Variants in PXDNL observed in about 807,000 individuals in gnomAD.
PXDNL encodes the protein peroxidasin like.
Under a neutral mutation model 150.8 loss-of-function variants are expected in PXDNL, and 145 were observed. That is an observed-to-expected ratio of 0.96 (90% CI 0.84 to 1.10). PXDNL has a LOEUF of 1.10. Among genes scored for constraint, PXDNL ranks in the 50% least tolerant of loss-of-function variants. PXDNL has a pLI of 0.00. For synonymous variants in PXDNL, 757 were observed against 725.7 expected (o/e 1.04, Z -0.69); for missense variants, 2,087 against 1,873.9 (o/e 1.11, Z -2.10).
In PXDNL at chr8:51,713,981, T is replaced by C. The variant is rs183600285; in HGVS notation, c.165-59221A>G. Among the ~76,000 whole-genome samples the C allele has an allele frequency of 8.5e-5, 13 of 152,302 alleles. No homozygotes were observed. In the East Asian group the frequency reaches 2.3e-3, roughly 27 times the overall value. On this transcript the variant is annotated intron_variant, in intron 1 of 22. Transcript: ENST00000356297. ...CATATAAATAAAACCATGAATTGTT[T>C]TTTGGAGTTTTCAAATGAAGAAAAT... is the stretch of plus-strand genomic sequence containing the variant.
At position 51,767,700 on chromosome 8, in the gene PXDNL, A is replaced by C. The variant is rs2037246838; in HGVS notation, c.164+41481T>G. ...TGCATGGTCTTCTAGATCCCCTGGA[A>C]TATGTCAGATAAACATGTTTTAAAA... On this transcript the variant is annotated intron_variant, in intron 1 of 22. Transcript: ENST00000356297. Among the ~76,000 whole-genome samples the C allele has an allele frequency of 1.3e-5, 2 of 152,186 alleles. 1 individual carries two copies. Among genetic ancestry groups the C allele is most frequent in the South Asian group, 4.1e-4 (2 of 4,830 alleles).
At chr8:51,339,290 T>A (rs112957658) in intron 21 of PXDNL, among the ~76,000 whole-genome samples, 75 of 152,142 alleles carry the variant, frequency 4.9e-4, no homozygotes, top group African/African-American at 1.6e-3. Flanking sequence ...CCAAACCCCA[T>A]CTCTACTAAA....
intron 4 of PXDNL, among the ~76,000 whole-genome samples, chr8:51,529,636 G>T (rs970359099): frequency 2.0e-5 from 3 of 152,064 alleles, no homozygotes; most frequent in Non-Finnish European, 2.9e-5. Context: ...AATTTAAATT[G>T]TATCCACACA....
At chr8:51,363,608 A>T (rs779011557) in intron 19 of PXDNL, among the ~76,000 whole-genome samples, 21 of 152,182 alleles carry the variant, frequency 1.4e-4, no homozygotes, top group Non-Finnish European at 3.1e-4. Context: ...TATAGATAAC[A>T]TAACCGATTA....
intron 3 of PXDNL, among the ~76,000 whole-genome samples, chr8:51,573,401 C>G (rs1812987059): frequency 6.6e-6 from 1 of 151,990 alleles, no homozygotes; most frequent in Admixed American, 6.6e-5. Context: ...TTCCTGCTCC[C>G]CACTGGAAAG....
At chr8:51,724,725 C>T (rs1442626938) in intron 1 of PXDNL, among the ~76,000 whole-genome samples, 2 of 152,156 alleles carry the variant, frequency 1.3e-5, no homozygotes, top group Non-Finnish European at 2.9e-5. Context: ...CCATCTTAGC[C>T]CATGTGAGAC....
At chr8:51,756,595 T>C (rs1412871053) in intron 1 of PXDNL, among the ~76,000 whole-genome samples, 1 of 152,156 alleles carries the variant, frequency 6.6e-6, no homozygotes, top group East Asian at 1.9e-4. Context: ...GGAAGCTTCA[T>C]AGTAATGCAA....
At chr8:51,358,996 T>C (rs1806622065) in intron 19 of PXDNL, among the ~76,000 whole-genome samples, 1 of 152,164 alleles carries the variant, frequency 6.6e-6, no homozygotes, top group Non-Finnish European at 1.5e-5. Flanking sequence ...GAGTGTGCAG[T>C]GTGTCTCCAC....
chr8:51,652,239 A>C (rs1309376663), intron 2 of PXDNL, among the ~76,000 whole-genome samples: 1 of 152,142 alleles, frequency 6.6e-6, no homozygotes, highest in African/African-American at 2.4e-5. Context: ...TTATTTTTTA[A>C]AAAATGTGTC....
At chr8:51,791,577 G>A (rs1218605962) in intron 1 of PXDNL, among the ~76,000 whole-genome samples, 6 of 152,208 alleles carry the variant, frequency 3.9e-5, no homozygotes, top group Admixed American at 3.3e-4. Context: ...CATCTCGTTG[G>A]TCAAATTCAT....
At chr8:51,326,420 C>T (rs991735003) in intron 21 of PXDNL, among the ~76,000 whole-genome samples, 1 of 152,288 alleles carries the variant, frequency 6.6e-6, no homozygotes, top group East Asian at 1.9e-4. Context: ...ATCGCTTGAA[C>T]CTGCAAAGCA....
chr8:51,385,668 C>T (rs1348150296), intron 17 of PXDNL, among the ~76,000 whole-genome samples: 1 of 152,106 alleles, frequency 6.6e-6, no homozygotes, highest in Middle Eastern at 3.2e-3. Context: ...GTGTCCTTGC[C>T]CAAATCTCAT....
At chr8:51,587,039 G>T (rs1032225355) in intron 3 of PXDNL, among the ~76,000 whole-genome samples, 1 of 152,114 alleles carries the variant, frequency 6.6e-6, no homozygotes, top group African/African-American at 2.4e-5. Context: ...AATTATCAGT[G>T]CCCTTAAGTA....
chr8:51,320,676 C>A, intron 22 of PXDNL, 108 bp downstream of exon 22: 1 of 785,628 alleles, frequency 1.3e-6, no homozygotes, highest in Non-Finnish European at 2.1e-6. Flanking sequence ...TGCCTAGAAT[C>A]TATTGACATA....
At chr8:51,506,828 A>T (rs1254435721) in intron 4 of PXDNL, among the ~76,000 whole-genome samples, 2 of 152,142 alleles carry the variant, frequency 1.3e-5, no homozygotes, top group Non-Finnish European at 2.9e-5. Context: ...TTTAGCAGGA[A>T]TTCAAGGCTT....
rs1177760142 is a variant in PXDNL at position 51,471,913 on chromosome 8, C to T, written c.812+274G>A. Among the ~76,000 whole-genome samples, 6 of 152,208 alleles carry T rather than the reference C, an allele frequency of 3.9e-5. No homozygotes were observed. In the South Asian group the frequency reaches 1.2e-3, roughly 32 times the overall value. On this transcript the variant is annotated intron_variant, in intron 8 of 22. Transcript: ENST00000356297. ...GTGTTAGCCAGGATGGTCTCGATCT[C>T]CTGACCTTGTGTGTGATCCGCCCAC...
At chr8:51,379,011 T>C (rs59302046) in intron 17 of PXDNL, among the ~76,000 whole-genome samples, 7,495 of 152,222 alleles carry the variant, frequency 0.049, 570 homozygotes, top group African/African-American at 0.17. Context: ...AGCTCCTGGG[T>C]TCAAGGGCTC....
At position 51,596,606 on chromosome 8, in the gene PXDNL, ATAGAGG is replaced by A. The variant is rs560626623; in HGVS notation, c.237-3914_237-3909del. ...AATAATAGCCATTCTGACTATTATT[ATAGAGG>A]TAGTATCTTATTGTGGTTTTGATTT... On this transcript the variant is annotated intron_variant, in intron 2 of 22. Coordinates refer to ENST00000356297, the MANE Select transcript of PXDNL (RefSeq NM_144651.5). Among the ~76,000 whole-genome samples, 315 of 152,252 alleles carry A rather than the reference ATAGAGG, an allele frequency of 2.1e-3. 1 individual carries two copies. Among genetic ancestry groups the A allele is most frequent in the Non-Finnish European group, 3.4e-3 (233 of 67,994 alleles).
chr8:51,736,282 A>T (rs16916763), intron 1 of PXDNL, among the ~76,000 whole-genome samples: 101,134 of 152,046 alleles, frequency 0.67, 35,119 homozygotes, highest in East Asian at 0.85. Context: ...TAGACCTAAG[A>T]CAGAAAATAA....
Sources: gnomAD v4.1 joint callset for allele counts (sites outside exome capture counted in the v4.1 genomes callset) on GRCh38, gnomAD v4.1.1 for gene constraint, MANE v1.5 for transcripts, NCBI Gene and HGNC (gene_info 2026-07-23, HGNC 2026-07-21) for gene names.